CNTNAP2: variants seen among roughly 807,000 people sequenced by gnomAD.
CNTNAP2 encodes contactin-associated protein-like 2.
In CNTNAP2, 98 loss-of-function variants were observed where a neutral mutation model predicts 155.2. The observed-to-expected ratio is 0.63, with a 90% CI of 0.54 to 0.75. The LOEUF (loss-of-function observed/expected upper bound fraction) is 0.75, where lower values mean the gene tolerates loss of function less well. CNTNAP2 is among the 30% of genes least tolerant of loss of function. The pLI is 0.00. For synonymous variants in CNTNAP2, 651 were observed against 631.2 expected, an observed-to-expected ratio of 1.03 and a Z score of -0.47; for missense variants, 1,727 against 1,688.1, an observed-to-expected ratio of 1.02 and a Z score of -0.40.
chr7:146,650,838 GAT>G (rs1234028675), intron 1 of CNTNAP2, among the ~76,000 whole-genome samples: 3 of 152,080 alleles, frequency 2.0e-5, no homozygotes, highest in Admixed American at 6.6e-5. Context: ...AAGTATAGGA[GAT>G]AAGTTACTCT....
chr7:147,222,384 T>C (rs756104992), intron 8 of CNTNAP2, among the ~76,000 whole-genome samples: 16 of 152,220 alleles, frequency 1.1e-4, no homozygotes, highest in Non-Finnish European at 1.9e-4. Context: ...ACATCAAAGT[T>C]ACTTTTATTT....
chr7:147,342,976 A>T (rs1795790426), intron 9 of CNTNAP2, among the ~76,000 whole-genome samples: 1 of 152,150 alleles, frequency 6.6e-6, no homozygotes. Flanking sequence ...TAAAATTTGT[A>T]TGTTAATAAT....
intron 1 of CNTNAP2, among the ~76,000 whole-genome samples, chr7:146,370,876 AAAGTTTT>A (rs1795224621): frequency 6.6e-6 from 1 of 152,176 alleles, no homozygotes; most frequent in Non-Finnish European, 1.5e-5. Flanking sequence ...GTACCTTAAT[AAAGTTTT>A]AAGATTTCTT....
At chr7:146,967,818 T>C (rs965793303) in intron 3 of CNTNAP2, among the ~76,000 whole-genome samples, 11 of 152,128 alleles carry the variant, frequency 7.2e-5, no homozygotes, top group Admixed American at 3.9e-4. Flanking sequence ...TCCTGCCTAA[T>C]TGCCCTGGCC....
Position 147,412,429 on chromosome 7 carries a change from G to A in CNTNAP2, c.1670+16649G>A, listed in dbSNP as rs113369516. ...CTCAATTCATAGATAAACTCCATTA[G>A]GGGAGCCATCTCAGGATCTGTAAGA... On this transcript the variant is annotated intron_variant, in intron 10 of 23. Transcript: ENST00000361727. Among the ~76,000 whole-genome samples, 1,212 of 152,150 alleles carry A rather than the reference G, an allele frequency of 8.0e-3. 13 individuals carry two copies. The highest frequency in any genetic ancestry group is 0.037 in the Middle Eastern group (11 of 294).
intron 13 of CNTNAP2, among the ~76,000 whole-genome samples, chr7:147,829,311 T>G (rs919064398): frequency 2.0e-5 from 3 of 152,118 alleles, no homozygotes; most frequent in Non-Finnish European, 4.4e-5. Flanking sequence ...TAGTTTCAGT[T>G]TGGTGAAAGA....
At chr7:146,743,322 C>A (rs1224858077) in intron 1 of CNTNAP2, among the ~76,000 whole-genome samples, 1 of 152,118 alleles carries the variant, frequency 6.6e-6, no homozygotes, top group South Asian at 2.1e-4. Context: ...TAAAGTTAAA[C>A]CATCAGTGGA....
chr7:146,851,267 G>A (rs1429832200), intron 3 of CNTNAP2, among the ~76,000 whole-genome samples: 2 of 152,196 alleles, frequency 1.3e-5, no homozygotes, highest in Non-Finnish European at 2.9e-5. Context: ...TTACAGGCAT[G>A]AGCCACGGCA....
At chr7:147,661,840 G>A (rs1038013623) in intron 13 of CNTNAP2, among the ~76,000 whole-genome samples, 22 of 151,998 alleles carry the variant, frequency 1.4e-4, no homozygotes, top group Admixed American at 4.6e-4. Context: ...CGTGAGCCAC[G>A]GCGCCTGGCC....
chr7:146,668,094 T>C (rs1800230258), intron 1 of CNTNAP2, among the ~76,000 whole-genome samples: 1 of 152,090 alleles, frequency 6.6e-6, no homozygotes, highest in Non-Finnish European at 1.5e-5. Context: ...TTTGGTGTGA[T>C]GTTAATTGTG....
chr7:147,153,119 A>G (rs1801858881), intron 8 of CNTNAP2, among the ~76,000 whole-genome samples: 1 of 152,102 alleles, frequency 6.6e-6, no homozygotes, highest in Non-Finnish European at 1.5e-5. Context: ...ACATCATTTG[A>G]GGGAAGCAGA....
chr7:148,213,617 T>G (rs530167561), intron 18 of CNTNAP2, among the ~76,000 whole-genome samples: 184 of 151,942 alleles, frequency 1.2e-3, no homozygotes, highest in African/African-American at 4.2e-3. Flanking sequence ...CCACCTCTTC[T>G]CACCCCCGCC....
intron 1 of CNTNAP2, among the ~76,000 whole-genome samples, chr7:146,578,282 C>T (rs1798555612): frequency 6.6e-6 from 1 of 152,060 alleles, no homozygotes; most frequent in Non-Finnish European, 1.5e-5. Flanking sequence ...ATCTGTACTT[C>T]TCCAAGTGTT....
chr7:146,653,348 C>T (rs561263546), intron 1 of CNTNAP2, among the ~76,000 whole-genome samples: 71 of 152,070 alleles, frequency 4.7e-4, no homozygotes, highest in Middle Eastern at 3.4e-3. Context: ...AGGGCCTTTG[C>T]GGTGTGTCAA....
intron 10 of CNTNAP2, among the ~76,000 whole-genome samples, chr7:147,405,232 G>A (rs1226695508): frequency 1.3e-5 from 2 of 152,136 alleles, no homozygotes; most frequent in Non-Finnish European, 2.9e-5. Flanking sequence ...TAAGCCAATC[G>A]ATTTTATTTC....
intron 3 of CNTNAP2, among the ~76,000 whole-genome samples, chr7:146,940,819 G>GTA (rs1563012935): frequency 7.2e-6 from 1 of 138,630 alleles, no homozygotes; most frequent in African/African-American, 2.6e-5. Context: ...GTGTGTGTGT[G>GTA]TATATACATA....
chr7:146,809,063 G>GT lies in CNTNAP2; in HGVS notation c.209-30641dup, dbSNP rs564887334. ...ATATCCCTTCAACATACTGATTTCA[G>GT]TTTTTTTAGATTTGTACCCAGAAGT... On this transcript the variant is annotated intron_variant, in intron 2 of 23. Coordinates refer to ENST00000361727, the MANE Select transcript of CNTNAP2 (RefSeq NM_014141.6). 1.9e-3 allele frequency among the ~76,000 whole-genome samples: 294 copies of GT among 152,166 alleles called. 1 individual carries two copies. The highest frequency in any genetic ancestry group is 6.3e-3 in the African/African-American group (261 of 41,514).
intron 1 of CNTNAP2, among the ~76,000 whole-genome samples, chr7:146,609,725 C>G (rs1799103616): frequency 6.6e-6 from 1 of 152,148 alleles, no homozygotes. Flanking sequence ...AAGTTTTATT[C>G]TACTCAATAA....
chr7:146,409,883 G>T (rs906062042), intron 1 of CNTNAP2, among the ~76,000 whole-genome samples: 1 of 152,116 alleles, frequency 6.6e-6, no homozygotes, highest in South Asian at 2.1e-4. Flanking sequence ...CCACTTCAAG[G>T]TCTCAGTAGT....
Sources: gnomAD v4.1 joint callset for allele counts (sites outside exome capture counted in the v4.1 genomes callset) on GRCh38, gnomAD v4.1.1 for gene constraint, MANE v1.5 for transcripts, NCBI Gene and HGNC (gene_info 2026-07-23, HGNC 2026-07-21) for gene names.